The following MAF variants were observed in gnomAD, a reference collection of about 807,000 sequenced individuals.
MAF encodes the protein MAF bZIP transcription factor.
MAF carries 10 observed loss-of-function variants against 22.0 expected under a neutral mutation model. The observed-to-expected ratio is 0.45, with a 90% CI of 0.28 to 0.77. MAF has a LOEUF of 0.77. MAF is among the 30% of genes least tolerant of loss of function. MAF has a pLI of 0.12. For missense variants in MAF, 544 were observed against 548.4 expected, an observed-to-expected ratio of 0.99 and a Z score of 0.08; for synonymous variants, 337 against 255.8, an observed-to-expected ratio of 1.32 and a Z score of -3.03.
chr16:79,322,204 GC>G, the MAF span, among the ~76,000 whole-genome samples: 1 of 152,168 alleles, frequency 6.6e-6, no homozygotes, highest in Non-Finnish European at 1.5e-5. Context: ...CTGCACTCCA[GC>G]CTGGGCAACA....
At chr16:79,540,534 C>T in the MAF span, among the ~76,000 whole-genome samples, 1 of 152,154 alleles carries the variant, frequency 6.6e-6, no homozygotes, top group African/African-American at 2.4e-5. Flanking sequence ...GGGGCTTCCT[C>T]TCCCATCAGC....
At chr16:79,525,371 C>T in the MAF span, among the ~76,000 whole-genome samples, 1 of 152,120 alleles carries the variant, frequency 6.6e-6, no homozygotes, top group African/African-American at 2.4e-5. Flanking sequence ...CGGCTCTGTC[C>T]ACGGCCATGC....
chr16:79,338,293 A>C, the MAF span, among the ~76,000 whole-genome samples: 3 of 152,216 alleles, frequency 2.0e-5, no homozygotes, highest in Non-Finnish European at 2.9e-5. Flanking sequence ...TTAGGGGCTA[A>C]ATCACAGATG....
At chr16:79,236,672 G>C in the MAF span, among the ~76,000 whole-genome samples, 1 of 151,990 alleles carries the variant, frequency 6.6e-6, no homozygotes, top group Non-Finnish European at 1.5e-5. Context: ...GGAGGCCCTG[G>C]TCCCTTTCCT....
the MAF span, among the ~76,000 whole-genome samples, chr16:79,210,541 C>A: frequency 1.1e-4 from 17 of 152,154 alleles, no homozygotes; most frequent in Non-Finnish European, 2.4e-4. Context: ...TCTTCAGTTA[C>A]CTTTTCCGGT....
At chr16:79,224,475 C>G in the MAF span, among the ~76,000 whole-genome samples, 72,549 of 152,036 alleles carry the variant, frequency 0.48, 19,088 homozygotes, top group Non-Finnish European at 0.61. Flanking sequence ...TCTCTCACTG[C>G]TCCTATTCCA....
At chr16:79,278,759 C>A in the MAF span, among the ~76,000 whole-genome samples, 4 of 152,190 alleles carry the variant, frequency 2.6e-5, no homozygotes, top group East Asian at 7.7e-4. Context: ...CAAACAGGGA[C>A]CCGCCCTGAC....
At chr16:79,374,753 G>A in the MAF span, among the ~76,000 whole-genome samples, 1 of 152,130 alleles carries the variant, frequency 6.6e-6, no homozygotes, top group African/African-American at 2.4e-5. Flanking sequence ...AATTGGAAGA[G>A]GTAATTTATT....
At chr16:79,554,361 A>C in the MAF span, among the ~76,000 whole-genome samples, 1 of 152,130 alleles carries the variant, frequency 6.6e-6, no homozygotes, top group Non-Finnish European at 1.5e-5. Context: ...TTTCTTCCTA[A>C]TCTCCCAGAT....
At chr16:79,393,547 A>T in the MAF span, among the ~76,000 whole-genome samples, 1 of 152,050 alleles carries the variant, frequency 6.6e-6, no homozygotes, top group African/African-American at 2.4e-5. Flanking sequence ...GCCTGATTAG[A>T]CCTCAGTGCT....
the MAF span, among the ~76,000 whole-genome samples, chr16:79,321,360 T>A: frequency 1.3e-5 from 2 of 152,194 alleles, no homozygotes; most frequent in African/African-American, 4.8e-5. Flanking sequence ...AAATTTGAAT[T>A]TCAGATAAAC....
the MAF span, among the ~76,000 whole-genome samples, chr16:79,510,960 A>C: frequency 6.6e-6 from 1 of 152,342 alleles, no homozygotes; most frequent in South Asian, 2.1e-4. Context: ...CACTGGTTGC[A>C]GAAAAGAAGC....
chr16:79,375,058 G>A, the MAF span, among the ~76,000 whole-genome samples: 1 of 152,160 alleles, frequency 6.6e-6, no homozygotes, highest in Non-Finnish European at 1.5e-5. Context: ...GGGCTGAGAT[G>A]GAGTAAGTTC....
chr16:79,491,373 A>G, the MAF span, among the ~76,000 whole-genome samples: 2 of 152,094 alleles, frequency 1.3e-5, no homozygotes, highest in African/African-American at 2.4e-5. Flanking sequence ...CAAACCAGCA[A>G]ACAAAAGTCT....
At chr16:79,287,936 G>A in the MAF span, among the ~76,000 whole-genome samples, 2 of 152,124 alleles carry the variant, frequency 1.3e-5, no homozygotes, top group East Asian at 1.9e-4. Context: ...TCGTAGCTCC[G>A]ATTTATTGAG....
the MAF span, among the ~76,000 whole-genome samples, chr16:79,404,326 G>A: frequency 6.6e-6 from 1 of 151,944 alleles, no homozygotes; most frequent in South Asian, 2.1e-4. Context: ...ACCACACCGT[G>A]CTAATTTTTG....
the MAF span, among the ~76,000 whole-genome samples, chr16:79,335,094 A>T: frequency 1.3e-5 from 2 of 151,412 alleles, no homozygotes; most frequent in African/African-American, 4.8e-5. Flanking sequence ...CTGAGGCAGG[A>T]GAATTGCTTG....
chr16:79,466,009 A>G, the MAF span, among the ~76,000 whole-genome samples: 4 of 152,248 alleles, frequency 2.6e-5, no homozygotes, highest in African/African-American at 7.2e-5. Flanking sequence ...GTTGAATAAA[A>G]GGATGAATGA....
At chr16:79,557,770 T>C in the MAF span, among the ~76,000 whole-genome samples, 3 of 152,072 alleles carry the variant, frequency 2.0e-5, no homozygotes, top group East Asian at 5.8e-4. Context: ...GTGCCTACTG[T>C]ATGCTGAGTG....
Sources: allele counts gnomAD v4.1 joint callset (sites outside exome capture counted in the v4.1 genomes callset), GRCh38; gene constraint gnomAD v4.1.1; transcripts MANE v1.5; gene names NCBI Gene and HGNC (gene_info 2026-07-23, HGNC 2026-07-21).